The following NIT2 variants were observed in gnomAD, a reference collection of about 807,000 sequenced individuals.
The protein encoded by NIT2 is omega-amidase NIT2.
A neutral mutation model predicts 42.7 loss-of-function variants in NIT2; 46 were observed. That is an observed-to-expected ratio of 1.08 (90% CI 0.85 to 1.38). The LOEUF (loss-of-function observed/expected upper bound fraction) is 1.38, where lower values mean the gene tolerates loss of function less well. Among genes scored for constraint, NIT2 ranks in the 40% most tolerant of loss-of-function variants. NIT2 has a pLI of 0.00. For synonymous variants in NIT2, 123 were observed against 121.9 expected, an observed-to-expected ratio of 1.01 and a Z score of -0.06; for missense variants, 309 against 342.5, an observed-to-expected ratio of 0.90 and a Z score of 0.77.
At chr3:100,351,294 G>A (rs1047433467) in intron 7 of NIT2, among the ~76,000 whole-genome samples, 8 of 152,120 alleles carry the variant, frequency 5.3e-5, no homozygotes, top group South Asian at 4.2e-4. Context: ...AGCCCGCATC[G>A]CCAAGTCAAT....
In NIT2 at chr3:100,345,652, G is replaced by A; in HGVS notation, c.404G>A (p.Gly135Asp). The stretch of plus-strand genomic sequence containing the variant: ...CAAGAATCTAAAACATTGAGTCCGG[G>A]TGATAGTTTCTCCACATTTGATACT... ...TFQESKTLSP[G>D]DSFSTFDTPY... Residue 135 changes from glycine to aspartate, a missense_variant, in exon 5 of 10, where the codon GGT becomes GAT. Physicochemically the swap from Gly to Asp is moderately conservative, Grantham distance 94 (BLOSUM62 -1). Coordinates refer to ENST00000394140, the MANE Select transcript of NIT2 (RefSeq NM_020202.5). 6.2e-7 allele frequency: 1 copy of A among 1,612,730 alleles called. No homozygotes were observed. The highest frequency in any genetic ancestry group is 8.5e-7 in the Non-Finnish European group (1 of 1,178,956).
intron 2 of NIT2, 43 bp downstream of exon 2, chr3:100,339,248 C>T (rs1706117971): frequency 4.1e-6 from 5 of 1,226,852 alleles, no homozygotes; most frequent in Non-Finnish European, 6.0e-6. Context: ...ACTGTACACC[C>T]AAGCAGAACG....
At chr3:100,336,649 A>G (rs571573377) in intron 1 of NIT2, among the ~76,000 whole-genome samples, 4 of 152,374 alleles carry the variant, frequency 2.6e-5, no homozygotes, top group East Asian at 1.9e-4. Flanking sequence ...ATGCATACAC[A>G]TAAACATCTC....
In NIT2 at chr3:100,360,782, C is replaced by T. The variant is rs2148886564; in HGVS notation, c.*5514C>T. The T allele has an allele frequency of 6.6e-6, 1 of 152,286 alleles. No individual in the cohort carries two copies. The highest frequency in any genetic ancestry group is 1.9e-4 in the East Asian group (1 of 5,182). The allele number at this position is 152,286 out of a possible 1,614,324, so 9.4% of individuals were successfully genotyped here. A position where few individuals can be genotyped will look rare whatever the true frequency, so the allele number is the denominator to read the frequency against. ...GAGTAGAGGCATTGGTGTTTTGTTC[C>T]AAACTATCCAATCGAGAATGTTCAT... On this transcript the variant is annotated 3_prime_UTR_variant, in exon 10 of 10. Transcript: ENST00000394140.
At position 100,358,463 on chromosome 3, in the gene NIT2, A is replaced by G. The variant is rs1706344638; in HGVS notation, c.*3195A>G. On this transcript the variant is annotated 3_prime_UTR_variant, in exon 10 of 10. Coordinates refer to ENST00000394140, the MANE Select transcript of NIT2 (RefSeq NM_020202.5). ...TTGAAGTCTGCTATCACAAGTTGTG[A>G]ACCTCTATCTCTTGCAGTTTAGGTA... The G allele has an allele frequency of 6.6e-6, 1 of 152,206 alleles. No individual in the cohort carries two copies. The highest frequency in any genetic ancestry group is 6.5e-5 in the Admixed American group (1 of 15,274). 9.4% of individuals were successfully genotyped at this position (152,206 alleles called of 1,614,324 possible).
At chr3:100,339,269 G>C in intron 2 of NIT2, 64 bp downstream of exon 2, 1 of 1,035,000 alleles carries the variant, frequency 9.7e-7, no homozygotes, top group Non-Finnish European at 1.5e-6. Context: ...GTGTTTGCTA[G>C]CTCTGGTTGT....
chr3:100,357,623 A>AACT lies in NIT2; in HGVS notation c.*2356_*2358dup, dbSNP rs1466267085. 1 of 151,654 alleles carries AACT rather than the reference A, an allele frequency of 6.6e-6. No individual in the cohort carries two copies. The highest frequency in any genetic ancestry group is 1.9e-4 in the East Asian group (1 of 5,192). 9.4% of individuals were successfully genotyped at this position (151,654 alleles called of 1,614,324 possible). A position where few individuals can be genotyped will look rare whatever the true frequency, so the allele number is the denominator to read the frequency against. On this transcript the variant is annotated 3_prime_UTR_variant, in exon 10 of 10. Transcript: ENST00000394140. The stretch of plus-strand genomic sequence containing the variant: ...TAACAGGTAAGGCAGGTGGATGCTA[A>AACT]ACTTTTTACATTTCTTTTTTTTTTT...
At chr3:100,344,749 TG>T in intron 4 of NIT2, among the ~76,000 whole-genome samples, 1 of 143,322 alleles carries the variant, frequency 7.0e-6, no homozygotes, top group East Asian at 2.1e-4. Context: ...TGGTTCAAGC[TG>T]TTCTCTTCTT....
chr3:100,342,349 G>A (rs1706166061), intron 4 of NIT2, among the ~76,000 whole-genome samples: 1 of 151,982 alleles, frequency 6.6e-6, no homozygotes, highest in African/African-American at 2.4e-5. Context: ...TAATTGAAGT[G>A]GTTAGTCCAT....
chr3:100,344,047 A>G (rs1040799875), intron 4 of NIT2, among the ~76,000 whole-genome samples: 12 of 152,222 alleles, frequency 7.9e-5, no homozygotes, highest in Admixed American at 2.0e-4. Flanking sequence ...CCCCACTTCT[A>G]TTTAACTCAG....
intron 1 of NIT2, among the ~76,000 whole-genome samples, chr3:100,335,445 T>G (rs1174719340): frequency 6.6e-6 from 1 of 152,174 alleles, no homozygotes; most frequent in Non-Finnish European, 1.5e-5. Flanking sequence ...CTTGGTAAGG[T>G]CTTCGTTGTT....
intron 1 of NIT2, among the ~76,000 whole-genome samples, chr3:100,337,498 G>A (rs1244423720): frequency 1.3e-5 from 2 of 152,078 alleles, no homozygotes; most frequent in African/African-American, 4.8e-5. Flanking sequence ...CTGTCGTCCA[G>A]GCTGGAGTGC....
intron 1 of NIT2, among the ~76,000 whole-genome samples, chr3:100,335,573 G>C (rs1005114625): frequency 5.9e-5 from 9 of 152,194 alleles, no homozygotes; most frequent in Non-Finnish European, 1.3e-4. Context: ...CCCTGCTGCA[G>C]CATGTCTGTA....
rs192650022 is a variant in NIT2 at position 100,355,729 on chromosome 3, T to C, written c.*461T>C. On this transcript the variant is annotated 3_prime_UTR_variant, in exon 10 of 10. Coordinates refer to ENST00000394140, the MANE Select transcript of NIT2 (RefSeq NM_020202.5). ...TAGCTATAGAACGCAAGGTGATACATCTTTGGTGTTTGCCAGAGAAGTTGG... is the reference window on the plus strand; with the variant it reads ...TAGCTATAGAACGCAAGGTGATACACCTTTGGTGTTTGCCAGAGAAGTTGG... 6.5e-6 allele frequency: 1 copy of C among 154,146 alleles called. No individual in the cohort carries two copies. The highest frequency in any genetic ancestry group is 2.4e-5 in the African/African-American group (1 of 41,580). 9.5% of individuals were successfully genotyped at this position (154,146 alleles called of 1,614,324 possible).
chr3:100,346,674 G>A (rs772150586), intron 6 of NIT2, among the ~76,000 whole-genome samples: 1 of 152,110 alleles, frequency 6.6e-6, no homozygotes, highest in Non-Finnish European at 1.5e-5. Flanking sequence ...CAAAAGATGT[G>A]GGTTCTAGTT....
intron 7 of NIT2, among the ~76,000 whole-genome samples, chr3:100,351,155 T>C (rs1184044077): frequency 2.6e-5 from 4 of 152,318 alleles, no homozygotes; most frequent in East Asian, 1.9e-4. Flanking sequence ...TGAATAGTGC[T>C]GCAATAAACA....
rs545782885 is a variant in NIT2 at position 100,339,265 on chromosome 3, G to T, written c.126+60G>T. 4 of 1,071,724 alleles carry T rather than the reference G, an allele frequency of 3.7e-6. No homozygotes were observed. In the South Asian group the frequency reaches 5.0e-5, roughly 13 times the overall value. 66.4% of individuals were successfully genotyped at this position (1,071,724 alleles called of 1,614,324 possible). ...TGTACACCCAAGCAGAACGGTGTTT[G>T]CTAGCTCTGGTTGTCCTCTTGTATC... On this transcript the variant is annotated intron_variant, in intron 2 of 9. Transcript: ENST00000394140.
Position 100,361,616 on chromosome 3 carries a change from A to G in NIT2, c.*6348A>G, listed in dbSNP as rs937083927. On this transcript the variant is annotated 3_prime_UTR_variant, in exon 10 of 10. Coordinates refer to ENST00000394140, the MANE Select transcript of NIT2 (RefSeq NM_020202.5). ...GCACTATCACCTTGAAGTAAACCAG[A>G]CTAGTTATTTTCATGCTAAGAGTCT... 3.9e-5 allele frequency: 6 copies of G among 152,188 alleles called. No individual in the cohort carries two copies. The highest frequency in any genetic ancestry group is 7.2e-5 in the African/African-American group (3 of 41,438). The allele number at this position is 152,188 out of a possible 1,614,324, so 9.4% of individuals were successfully genotyped here. A position where few individuals can be genotyped will look rare whatever the true frequency, so the allele number is the denominator to read the frequency against.
At chr3:100,341,267 A>ATG (rs1375256720) in intron 4 of NIT2, 106 bp downstream of exon 4, 15 of 755,860 alleles carry the variant, frequency 2.0e-5, no homozygotes, top group Admixed American at 1.2e-4. Context: ...TATATCACAC[A>ATG]TGTATTAGGG....
Sources: gnomAD v4.1 joint callset for allele counts (sites outside exome capture counted in the v4.1 genomes callset) on GRCh38, gnomAD v4.1.1 for gene constraint, MANE v1.5 for transcripts, NCBI Gene and HGNC (gene_info 2026-07-23, HGNC 2026-07-21) for gene names.